ANKRD40: variants seen among roughly 807,000 people sequenced by gnomAD.
The protein encoded by ANKRD40 is ankyrin repeat domain 40, also known as ankyrin repeat domain-containing protein 40.
ANKRD40 carries 24 observed loss-of-function variants against 35.5 expected under a neutral mutation model. That is an observed-to-expected ratio of 0.68 (90% CI 0.49 to 0.95). The LOEUF (loss-of-function observed/expected upper bound fraction) is 0.95. Ranked by LOEUF, ANKRD40 falls within the 40% of genes least tolerant of loss-of-function variation. The pLI is 0.00. For synonymous variants in ANKRD40, 147 were observed against 173.5 expected (o/e 0.85, Z 1.20); for missense variants, 361 against 436.0 (o/e 0.83, Z 1.53).
At position 50,707,742 on chromosome 17, in the gene ANKRD40, T is replaced by C. The variant is rs1968360032; in HGVS notation, c.-88A>G. On this transcript the variant is annotated 5_prime_UTR_variant, in exon 1 of 5. Transcript: ENST00000285243. The surrounding 1 kb of genome is among the most constrained non-coding windows in gnomAD (Gnocchi z 4.8). The stretch of plus-strand genomic sequence containing the variant: ...CGCCGCCGCCGTCGCCGCGGCCCGC[T>C]CCCGGCCATGGGGAGGGAGCGCGGA... 18 of 1,006,804 alleles carry C rather than the reference T, an allele frequency of 1.8e-5. No individual in the cohort carries two copies. Among genetic ancestry groups the C allele is most frequent in the Non-Finnish European group, 2.2e-5 (18 of 813,452 alleles). 62.4% of individuals were successfully genotyped at this position (1,006,804 alleles called of 1,614,324 possible). A position where few individuals can be genotyped will look rare whatever the true frequency, so the allele number is the denominator to read the frequency against.
chr17:50,705,094 C>G (rs1015795429), intron 1 of ANKRD40, among the ~76,000 whole-genome samples: 2 of 147,248 alleles, frequency 1.4e-5, no homozygotes, highest in African/African-American at 2.5e-5. Context: ...GCACTCCAGC[C>G]TGGGCGAGAG....
chr17:50,695,857 G>T lies in ANKRD40; in HGVS notation c.*140C>A, dbSNP rs1968194743. 1 of 996,614 alleles carries T rather than the reference G, an allele frequency of 1.0e-6. No homozygotes were observed. The highest frequency in any genetic ancestry group is 1.4e-6 in the Non-Finnish European group (1 of 699,936). The allele number at this position is 996,614 out of a possible 1,614,324, so 61.7% of individuals were successfully genotyped here. On this transcript the variant is annotated 3_prime_UTR_variant, in exon 5 of 5. Coordinates refer to ENST00000285243, the MANE Select transcript of ANKRD40 (RefSeq NM_052855.4). ...TTGGGGGTCAGGGGCTTCCTACCTT[G>T]GCAGAATGATGTTAGTATATACTAT... is the stretch of plus-strand genomic sequence containing the variant.
chr17:50,701,713 A>AT (rs1479510648), intron 1 of ANKRD40, among the ~76,000 whole-genome samples: 5 of 152,270 alleles, frequency 3.3e-5, no homozygotes, highest in African/African-American at 7.2e-5. Context: ...ACTGAGATAC[A>AT]TATCTTCAGA....
At position 50,695,830 on chromosome 17, in the gene ANKRD40, G is replaced by T. The variant is rs1427813093; in HGVS notation, c.*167C>A. 13 of 701,856 alleles carry T rather than the reference G, an allele frequency of 1.9e-5. No individual in the cohort carries two copies. The highest frequency in any genetic ancestry group is 3.1e-5 in the Admixed American group (1 of 32,768). 43.5% of individuals were successfully genotyped at this position (701,856 alleles called of 1,614,324 possible). On this transcript the variant is annotated 3_prime_UTR_variant, in exon 5 of 5. Coordinates refer to ENST00000285243, the MANE Select transcript of ANKRD40 (RefSeq NM_052855.4). ...AGAGGCTTGGAAGAGTGGCACCACT[G>T]CTTGGGGGTCAGGGGCTTCCTACCT...
Position 50,704,515 on chromosome 17 carries a change from C to CAAAA in ANKRD40, c.134+3002_134+3005dup, listed in dbSNP as rs892783050. ...GGGTGACAAGAGTGAAACTCCATCT[C>CAAAA]AAAAAAAAAAAAAAAAAAAAAAACC... On this transcript the variant is annotated intron_variant, in intron 1 of 4. Transcript: ENST00000285243. Among the ~76,000 whole-genome samples the CAAAA allele has an allele frequency of 5.1e-3, 205 of 40,180 alleles. 2 individuals are homozygous for CAAAA. Among genetic ancestry groups the CAAAA allele is most frequent in the African/African-American group, 0.018 (200 of 11,300 alleles). The allele number at this position is 40,180 out of a possible 152,430, so 26.4% of individuals were successfully genotyped here.
intron 1 of ANKRD40, 56 bp from the exon 2 acceptor site, chr17:50,700,772 T>G: frequency 6.6e-7 from 1 of 1,526,580 alleles, no homozygotes; most frequent in African/African-American, 1.4e-5. Context: ...GGATTTCAGA[T>G]TCTAAACATT....
In ANKRD40 at chr17:50,694,520, C is replaced by T. The variant is rs141241554; in HGVS notation, c.*1477G>A. The T allele has an allele frequency of 2.0e-5, 3 of 152,316 alleles. No individual in the cohort carries two copies. The highest frequency in any genetic ancestry group is 6.5e-5 in the Admixed American group (1 of 15,308). The allele number at this position is 152,316 out of a possible 1,614,324, so 9.4% of individuals were successfully genotyped here. ...TTCTTAAGACAGCAGGGATGCTCTT[C>T]GACAGCTGGCTTCAAACCCCTGCTC... On this transcript the variant is annotated 3_prime_UTR_variant, in exon 5 of 5. Transcript: ENST00000285243.
chr17:50,697,244 C>T (rs567834035), intron 3 of ANKRD40, 123 bp from the exon 4 acceptor site: 1 of 975,008 alleles, frequency 1.0e-6, no homozygotes, highest in African/African-American at 1.7e-5. Flanking sequence ...GATTAACAGA[C>T]CTGTTTGGTG....
chr17:50,695,992 C>T lies in ANKRD40; in HGVS notation c.*5G>A. ...TAATACTCAGTGATAAAAGTCCCTG[C>T]TGCATTAGTAAGTCAGTTTTGAAGC... On this transcript the variant is annotated 3_prime_UTR_variant, in exon 5 of 5. Transcript: ENST00000285243. The T allele has an allele frequency of 6.2e-7, 1 of 1,613,836 alleles. No homozygotes were observed. Among genetic ancestry groups the T allele is most frequent in the Non-Finnish European group, 8.5e-7 (1 of 1,179,800 alleles).
intron 1 of ANKRD40, among the ~76,000 whole-genome samples, chr17:50,705,196 C>G (rs1380374929): frequency 6.7e-6 from 1 of 149,590 alleles, no homozygotes; most frequent in African/African-American, 2.5e-5. Flanking sequence ...GCTATTTATG[C>G]TTCATCTCAT....
intron 4 of ANKRD40, chr17:50,696,734 T>G (rs1456788941): frequency 2.8e-6 from 1 of 359,644 alleles, no homozygotes; most frequent in Admixed American, 6.2e-5. Context: ...CCTTCTCCAC[T>G]CCACTGCTTC....
chr17:50,696,880 G>A, intron 4 of ANKRD40, 60 bp downstream of exon 4: 1 of 1,457,282 alleles, frequency 6.9e-7, no homozygotes, highest in African/African-American at 1.4e-5. Context: ...TATAACCAAG[G>A]AGGGGGCTAG....
chr17:50,706,170 G>A (rs1475031458), intron 1 of ANKRD40, among the ~76,000 whole-genome samples: 4 of 150,536 alleles, frequency 2.7e-5, no homozygotes, highest in South Asian at 4.2e-4. Context: ...CGCCCAGGCT[G>A]GAGTGCAGTG....
At position 50,694,998 on chromosome 17, in the gene ANKRD40, G is replaced by A. The variant is rs1423611214; in HGVS notation, c.*999C>T. 4.6e-5 allele frequency: 7 copies of A among 152,132 alleles called. No homozygotes were observed. The highest frequency in any genetic ancestry group is 2.6e-4 in the Admixed American group (4 of 15,276). 9.4% of individuals were successfully genotyped at this position (152,132 alleles called of 1,614,324 possible). Reference sequence around the variant, plus strand: ...ATTTGTAGTGGAAAATGAAAGTGGAGAACATGGAACAGCAATATTTGTGCT... The same window carrying A: ...ATTTGTAGTGGAAAATGAAAGTGGAAAACATGGAACAGCAATATTTGTGCT... On this transcript the variant is annotated 3_prime_UTR_variant, in exon 5 of 5. Coordinates refer to ENST00000285243, the MANE Select transcript of ANKRD40 (RefSeq NM_052855.4).
At position 50,697,030 on chromosome 17, in the gene ANKRD40, T is replaced by G. The variant is rs1432938371; in HGVS notation, c.870A>C (p.Gln290His). The G allele has an allele frequency of 1.9e-6, 3 of 1,614,182 alleles. No individual in the cohort carries two copies. The highest frequency in any genetic ancestry group is 3.3e-5 in the Admixed American group (2 of 60,014). Residue 290 changes from glutamine to histidine, a missense_variant, in exon 4 of 5, where the codon CAA becomes CAC. Gln to His is a conservative substitution (Grantham distance 24). Around this residue, in one of 5 missense-constraint regions of ANKRD40, gnomAD observed 93 missense variants for 129.6 expected, o/e 0.72. Coordinates refer to ENST00000285243, the MANE Select transcript of ANKRD40 (RefSeq NM_052855.4). ...IELDRQELTY[Q>H]ELLRVCCCEL... ...CACAGCAACACACTCTGAGCAACTC[T>G]TGGTAGGTGAGCTCCTGTCGGTCCA...
chr17:50,705,006 C>T (rs1041155341), intron 1 of ANKRD40, among the ~76,000 whole-genome samples: 2 of 150,354 alleles, frequency 1.3e-5, no homozygotes, highest in Non-Finnish European at 3.0e-5. Context: ...CCCAGCTACT[C>T]GGGAGGCTGA....
chr17:50,702,440 G>T (rs567904192), intron 1 of ANKRD40, among the ~76,000 whole-genome samples: 1 of 151,784 alleles, frequency 6.6e-6, no homozygotes, highest in African/African-American at 2.4e-5. Flanking sequence ...TAAGGATAAA[G>T]TGGACCTTGC....
intron 2 of ANKRD40, 122 bp from the exon 3 acceptor site, chr17:50,700,015 A>T: frequency 1.1e-6 from 1 of 888,038 alleles, no homozygotes; most frequent in East Asian, 2.9e-5. Flanking sequence ...AAGAAAAAAG[A>T]ATACTTCATT....
intron 2 of ANKRD40, chr17:50,700,315 T>C (rs1010809570): frequency 1.4e-5 from 5 of 345,110 alleles, no homozygotes; most frequent in Non-Finnish European, 2.1e-5. Context: ...TGGTGGCACA[T>C]GCCTGTAATC....
Sources: allele counts gnomAD v4.1 joint callset (sites outside exome capture counted in the v4.1 genomes callset), GRCh38; gene constraint gnomAD v4.1.1; regional missense constraint gnomAD v4.1.1; non-coding constraint Gnocchi (gnomAD v3.1); transcripts MANE v1.5; gene names NCBI Gene and HGNC (gene_info 2026-07-23, HGNC 2026-07-21).